YWHAQ: variants seen among roughly 807,000 people sequenced by gnomAD.
The protein encoded by YWHAQ is tyrosine 3-monooxygenase/tryptophan 5-monooxygenase activation protein theta, also known as 14-3-3 protein theta.
YWHAQ carries 6 observed loss-of-function variants against 28.3 expected under a neutral mutation model. The observed-to-expected ratio is 0.21, with a 90% CI of 0.12 to 0.42. The LOEUF (loss-of-function observed/expected upper bound fraction) is 0.42. YWHAQ is among the 10% of genes least tolerant of loss of function. The pLI is 1.00. For synonymous variants in YWHAQ, 143 were observed against 119.1 expected (o/e 1.20, Z -1.31); for missense variants, 201 against 305.6 (o/e 0.66, Z 2.55).
intron 2 of YWHAQ, among the ~76,000 whole-genome samples, chr2:9,618,627 C>T (rs542006051): frequency 7.2e-5 from 11 of 152,092 alleles, no homozygotes; most frequent in South Asian, 4.2e-4. Flanking sequence ...TTGCCTCAAC[C>T]GCCAGTTAGC....
chr2:9,593,985 ACACACACACACACACG>A, intron 2 of YWHAQ, among the ~76,000 whole-genome samples: 1 of 150,858 alleles, frequency 6.6e-6, no homozygotes, highest in Admixed American at 6.6e-5. Context: ...AAACACACAC[ACACACACACACACACG>A]CACGCACAAA....
intron 2 of YWHAQ, among the ~76,000 whole-genome samples, chr2:9,607,788 T>C (rs1320407880): frequency 6.7e-6 from 1 of 149,270 alleles, no homozygotes; most frequent in Non-Finnish European, 1.5e-5. Context: ...CTCGGCTCAC[T>C]GCAACCTCTG....
chr2:9,625,133 A>AGG (rs1667223516), intron 2 of YWHAQ, among the ~76,000 whole-genome samples: 1 of 151,550 alleles, frequency 6.6e-6, no homozygotes, highest in Non-Finnish European at 1.5e-5. Context: ...ATGGTGGTGC[A>AGG]TGCCTGTAAT....
chr2:9,607,041 T>C (rs989210710), intron 2 of YWHAQ, among the ~76,000 whole-genome samples: 1 of 150,250 alleles, frequency 6.7e-6, no homozygotes, highest in African/African-American at 2.5e-5. Context: ...CGCGACACCA[T>C]ACCCGGCTAA....
chr2:9,622,802 AATTTATCAT>A (rs1667167743), intron 2 of YWHAQ, among the ~76,000 whole-genome samples: 2 of 152,354 alleles, frequency 1.3e-5, no homozygotes, highest in South Asian at 4.1e-4. Flanking sequence ...CAAATCTAGT[AATTTATCAT>A]ATTTATCACT....
At chr2:9,597,839 G>T (rs1219725887) in intron 2 of YWHAQ, among the ~76,000 whole-genome samples, 1 of 150,588 alleles carries the variant, frequency 6.6e-6, no homozygotes, top group African/African-American at 2.4e-5. Context: ...GCCCAGGCTG[G>T]AGTGCAATGG....
chr2:9,587,279 G>A (rs944826872), intron 5 of YWHAQ, 135 bp downstream of exon 5: 10 of 698,998 alleles, frequency 1.4e-5, no homozygotes, highest in East Asian at 8.9e-5. Flanking sequence ...AATAATGTTC[G>A]TCCCATAAAA....
intron 2 of YWHAQ, among the ~76,000 whole-genome samples, chr2:9,602,350 G>A (rs940889330): frequency 6.6e-6 from 1 of 152,110 alleles, no homozygotes; most frequent in Non-Finnish European, 1.5e-5. Context: ...AGATGTTCAA[G>A]GCTGCAGTGA....
intron 2 of YWHAQ, chr2:9,615,235 C>G (rs1440364369): frequency 6.6e-6 from 1 of 152,086 alleles, no homozygotes; most frequent in Non-Finnish European, 1.5e-5. Context: ...AACATAATCA[C>G]ATATTATTAC....
At chr2:9,604,439 T>C (rs984600385) in intron 2 of YWHAQ, among the ~76,000 whole-genome samples, 3 of 152,222 alleles carry the variant, frequency 2.0e-5, no homozygotes, top group African/African-American at 7.2e-5. Context: ...GAATAAGCAC[T>C]GGGCCAGTAA....
intron 2 of YWHAQ, among the ~76,000 whole-genome samples, chr2:9,618,673 G>A (rs1031764216): frequency 3.1e-4 from 44 of 140,952 alleles, no homozygotes; most frequent in African/African-American, 1.0e-3. Context: ...CCACTGTTTT[G>A]ATTTTTTTTT....
At position 9,591,343 on chromosome 2, in the gene YWHAQ, A is replaced by G. The variant is rs747415430; in HGVS notation, c.418+49T>C. 3.2e-6 allele frequency: 5 copies of G among 1,583,520 alleles called. No homozygotes were observed. In the South Asian group the frequency reaches 5.6e-5, roughly 18 times the overall value. On this transcript the variant is annotated intron_variant, in intron 3 of 5. Coordinates refer to ENST00000238081, the MANE Select transcript of YWHAQ (RefSeq NM_006826.4). ...CTGTCATAGTGTCCCATTTATCCCC[A>G]TTTCTTTTTTTTATATTCTACTTTT...
At chr2:9,610,841 G>C (rs891564819) in intron 2 of YWHAQ, among the ~76,000 whole-genome samples, 4 of 152,056 alleles carry the variant, frequency 2.6e-5, no homozygotes, top group Non-Finnish European at 2.9e-5. Context: ...TTACCTTCCT[G>C]ACACGATCTA....
At chr2:9,600,165 A>G (rs1030906875) in intron 2 of YWHAQ, among the ~76,000 whole-genome samples, 2 of 152,252 alleles carry the variant, frequency 1.3e-5, no homozygotes, top group African/African-American at 4.8e-5. Context: ...GAATTGCTGC[A>G]AACTCATGTT....
At chr2:9,619,499 G>GATCGTGCC (rs1667097890) in intron 2 of YWHAQ, among the ~76,000 whole-genome samples, 2 of 152,038 alleles carry the variant, frequency 1.3e-5, no homozygotes, top group Admixed American at 1.3e-4. Context: ...AGTGAACTGA[G>GATCGTGCC]ATCGTGCCAC....
rs1667355489 is a variant in YWHAQ, at chr2:9,630,672, G to A, written c.-82-138C>T. 2.7e-6 allele frequency: 1 copy of A among 363,778 alleles called. No individual in the cohort carries two copies. The highest frequency in any genetic ancestry group is 4.8e-6 in the Non-Finnish European group (1 of 206,936). The allele number at this position is 363,778 out of a possible 1,614,324, so 22.5% of individuals were successfully genotyped here. A position where few individuals can be genotyped will look rare whatever the true frequency, so the allele number is the denominator to read the frequency against. ...CCTCTCCCCCGCCCCCTCCCCCGCTGGGCACCCGGGGAGGCCGCGGCCCGC... is the reference window on the plus strand; with the variant it reads ...CCTCTCCCCCGCCCCCTCCCCCGCTAGGCACCCGGGGAGGCCGCGGCCCGC... On this transcript the variant is annotated intron_variant, in intron 1 of 5. Transcript: ENST00000238081. The surrounding 1 kb of genome is among the most constrained non-coding windows in gnomAD (Gnocchi z 5.6).
chr2:9,600,501 T>C (rs1572992592), intron 2 of YWHAQ, among the ~76,000 whole-genome samples: 1 of 151,150 alleles, frequency 6.6e-6, no homozygotes, highest in East Asian at 2.0e-4. Flanking sequence ...AGGTCAGGAG[T>C]TCAAGACCAG....
In YWHAQ at chr2:9,590,459, G is replaced by T. The variant is rs554624605; in HGVS notation, c.418+933C>A. ...CAGATCATAGTAACTATTTGTAGGG[G>T]TATATCTTTGTAGACAGGGCAAAAT... On this transcript the variant is annotated intron_variant, in intron 3 of 5. Coordinates refer to ENST00000238081, the MANE Select transcript of YWHAQ (RefSeq NM_006826.4). Among the ~76,000 whole-genome samples the T allele has an allele frequency of 1.6e-4, 24 of 152,212 alleles. No individual in the cohort carries two copies. In the South Asian group the frequency reaches 4.6e-3, roughly 29 times the overall value.
intron 2 of YWHAQ, among the ~76,000 whole-genome samples, chr2:9,606,521 G>GTT (rs1314227773): frequency 4.0e-5 from 6 of 150,994 alleles, no homozygotes; most frequent in African/African-American, 1.5e-4. Flanking sequence ...GTGAACATCT[G>GTT]TCTGTGTGTG....
Sources: allele counts gnomAD v4.1 joint callset (sites outside exome capture counted in the v4.1 genomes callset), GRCh38; gene constraint gnomAD v4.1.1; non-coding constraint Gnocchi (gnomAD v3.1); transcripts MANE v1.5; gene names NCBI Gene and HGNC (gene_info 2026-07-23, HGNC 2026-07-21).